MTERF4: variants seen among roughly 807,000 people sequenced by gnomAD.
MTERF4 encodes transcription termination factor 4, mitochondrial.
A neutral mutation model predicts 22.5 loss-of-function variants in MTERF4; 17 were observed. The ratio of observed to expected loss-of-function variants is 0.75; its 90% CI spans 0.52 to 1.13. The LOEUF (loss-of-function observed/expected upper bound fraction) is 1.13, where lower values mean the gene tolerates loss of function less well. Among genes scored for constraint, MTERF4 ranks in the 50% most tolerant of loss-of-function variants. The pLI is 0.00. For missense variants in MTERF4, 420 were observed against 466.8 expected, an observed-to-expected ratio of 0.90 and a Z score of 0.92; for synonymous variants, 165 against 175.3, an observed-to-expected ratio of 0.94 and a Z score of 0.47.
At chr2:241,087,540 CG>C (rs1200448213), downstream of MTERF4, 3 of 1,533,708 alleles carry the variant, frequency 2.0e-6, no homozygotes, top group Admixed American at 6.2e-5. Context: ...GGGGCAAGGG[CG>C]GGGTGCTATG....
chr2:241,070,970 G>A (rs1196536375), downstream of MTERF4, among the ~76,000 whole-genome samples: 2 of 152,190 alleles, frequency 1.3e-5, no homozygotes, highest in African/African-American at 2.4e-5. Context: ...TAAGCTTGCC[G>A]AGTTCTCAGA....
the MTERF4 span, chr2:241,048,805 C>T: frequency 5.3e-6 from 8 of 1,502,452 alleles, no homozygotes; most frequent in Admixed American, 1.5e-4. Context: ...TGTCCCTGAG[C>T]ATCCTCATAA....
At chr2:241,063,854 G>A in the MTERF4 span, among the ~76,000 whole-genome samples, 41 of 151,852 alleles carry the variant, frequency 2.7e-4, no homozygotes, top group Admixed American at 1.8e-3. Context: ...GGGTGGAGGT[G>A]AGGGTGCTGG....
the MTERF4 span, chr2:241,048,231 C>CAAAGGTGCCATTGG: frequency 1.4e-6 from 2 of 1,444,980 alleles, no homozygotes; most frequent in African/African-American, 2.9e-5. Context: ...GGTGAAAACC[C>CAAAGGTGCCATTGG]AAAGGTGCCA....
the MTERF4 span, chr2:241,063,863 G>A: frequency 1.3e-6 from 1 of 763,650 alleles, no homozygotes; most frequent in Non-Finnish European, 2.1e-6. Flanking sequence ...TGAGGGTGCT[G>A]GGGAGGGCTG....
At chr2:241,052,636 G>A in the MTERF4 span, among the ~76,000 whole-genome samples, 42,187 of 97,650 alleles carry the variant, frequency 0.43, 11,154 homozygotes, top group Middle Eastern at 0.51. Flanking sequence ...TGAGAGGGCC[G>A]GGGGGCCAAG....
In MTERF4 at chr2:241,100,540, T is replaced by TG. The variant is rs1246475302; in HGVS notation, c.22-647dup. On this transcript the variant is annotated intron_variant, in intron 1 of 3. Coordinates refer to ENST00000391980, the MANE Select transcript of MTERF4 (RefSeq NM_182501.4). The stretch of plus-strand genomic sequence containing the variant: ...GTGCAGTGGTGCAATCATGGCTCAC[T>TG]GCAGCCTTGACTTCCCCAGGCTGAG... Among the ~76,000 whole-genome samples, 3 of 152,182 alleles carry TG rather than the reference T, an allele frequency of 2.0e-5. No individual in the cohort carries two copies. In the East Asian group the frequency reaches 5.8e-4, roughly 29 times the overall value.
chr2:241,050,836 G>T, the MTERF4 span, among the ~76,000 whole-genome samples: 2,536 of 152,174 alleles, frequency 0.017, 56 homozygotes, highest in African/African-American at 0.058. Context: ...CAAGGTGGGG[G>T]TCCTACCAGA....
chr2:241,082,138 C>T (rs970045841), downstream of MTERF4: 10 of 670,030 alleles, frequency 1.5e-5, no homozygotes, highest in Admixed American at 2.6e-5. Flanking sequence ...TGCAGACCCC[C>T]GGGCCCTCTC....
At chr2:241,097,944 A>G (rs1006610248) in intron 2 of MTERF4, among the ~76,000 whole-genome samples, 14 of 152,222 alleles carry the variant, frequency 9.2e-5, no homozygotes, top group African/African-American at 3.4e-4. Flanking sequence ...TCATGAGGAC[A>G]CACAACACCA....
the MTERF4 span, among the ~76,000 whole-genome samples, chr2:241,049,383 T>A: frequency 1.6e-4 from 25 of 152,326 alleles, no homozygotes; most frequent in African/African-American, 5.8e-4. Context: ...TGTGGTATCT[T>A]ACCTAAGCCC....
chr2:241,096,067 A>G lies in MTERF4; in HGVS notation c.1077T>C (p.Asp359=), dbSNP rs1329441730. The change falls in exon 4 of 4, where the codon GAT becomes GAC. Residue 359 remains aspartate (D), a synonymous_variant. Coordinates refer to ENST00000391980, the MANE Select transcript of MTERF4 (RefSeq NM_182501.4). This position sits in a 1 kb window ranked among gnomAD's most constrained non-coding sequence, Gnocchi z 5.1. ...EDNDEDDNDE[D]DDDEDDDEAE... ...CCTCGTCGTCGTCCTCATCATCGTC[A>G]TCCTCATCATTGTCATCCTCATCAT... 1 of 1,610,786 alleles carries G rather than the reference A, an allele frequency of 6.2e-7. No homozygotes were observed. Among genetic ancestry groups the G allele is most frequent in the Admixed American group, 1.7e-5 (1 of 59,920 alleles).
chr2:241,075,865 G>GTT lies in MTERF4; in HGVS notation n.480-184_480-183insAA, dbSNP rs2062995899. ...CATTAATCTGTTAGACTGTGTGTGT[G>GTT]TGAGAAGTTGGGCTACAATTTCATT... On this transcript the variant is annotated intron_variant and non_coding_transcript_variant, in intron 4 of 4. Transcript: ENST00000464344. The surrounding 1 kb of genome is among the most constrained non-coding windows in gnomAD (Gnocchi z 4.8). Among the ~76,000 whole-genome samples the GTT allele has an allele frequency of 6.6e-6, 1 of 152,124 alleles. No homozygotes were observed. The highest frequency in any genetic ancestry group is 1.5e-5 in the Non-Finnish European group (1 of 68,026).
downstream of MTERF4, chr2:241,090,561 C>T (rs891135929): frequency 7.9e-7 from 1 of 1,259,776 alleles, no homozygotes; most frequent in Non-Finnish European, 1.1e-6. Flanking sequence ...ATACACAGGG[C>T]AGTGCAGTAG....
At position 241,095,676 on chromosome 2, in the gene MTERF4, A is replaced by G; in HGVS notation, c.*322T>C. 3.4e-6 allele frequency: 1 copy of G among 298,422 alleles called. No homozygotes were observed. The highest frequency in any genetic ancestry group is 6.2e-6 in the Non-Finnish European group (1 of 160,664). 18.5% of individuals were successfully genotyped at this position (298,422 alleles called of 1,614,324 possible). ...CAACTGTCACGGAATTATCACCAAC[A>G]TATTCAAAAGAGAAAAAAATAAAAC... is the stretch of plus-strand genomic sequence containing the variant. On this transcript the variant is annotated 3_prime_UTR_variant, in exon 4 of 4. Coordinates refer to ENST00000391980, the MANE Select transcript of MTERF4 (RefSeq NM_182501.4).
downstream of MTERF4, among the ~76,000 whole-genome samples, chr2:241,084,134 ATTT>A (rs368364855): frequency 8.1e-6 from 1 of 123,306 alleles, no homozygotes; most frequent in Non-Finnish European, 1.7e-5. Context: ...AGCGTCTAGG[ATTT>A]TTTTTTTTTT....
At chr2:241,065,068 T>C in the MTERF4 span, 1 of 904,710 alleles carries the variant, frequency 1.1e-6, no homozygotes, top group Non-Finnish European at 1.6e-6. Context: ...CCCAGGCCCC[T>C]TCCCTGAGGA....
At chr2:241,048,213 A>T in the MTERF4 span, 1 of 1,336,078 alleles carries the variant, frequency 7.5e-7, no homozygotes, top group African/African-American at 1.5e-5. Context: ...CTTGGGAATG[A>T]CAACAGAGGT....
chr2:241,086,424 A>G (rs1241954946), downstream of MTERF4, among the ~76,000 whole-genome samples: 1 of 151,628 alleles, frequency 6.6e-6, no homozygotes, highest in African/African-American at 2.4e-5. Context: ...TGTTTCCTCA[A>G]CTCAGTGTGA....
Sources: gnomAD v4.1 joint callset for allele counts (sites outside exome capture counted in the v4.1 genomes callset) on GRCh38, gnomAD v4.1.1 for gene constraint, Gnocchi (gnomAD v3.1) non-coding constraint, MANE v1.5 for transcripts, NCBI Gene and HGNC (gene_info 2026-07-23, HGNC 2026-07-21) for gene names.